Variants in FAM227A observed in about 807,000 individuals in gnomAD.
FAM227A encodes the protein family with sequence similarity 227 member A.
FAM227A carries 80 observed loss-of-function variants against 74.7 expected under a neutral mutation model. The observed-to-expected ratio is 1.07, with a 90% CI of 0.89 to 1.29. The LOEUF is 1.29. Ranked by LOEUF, FAM227A falls within the 50% of genes most tolerant of loss-of-function variation. The pLI is 0.00. For missense variants in FAM227A, 654 were observed against 683.4 expected (o/e 0.96, Z 0.48); for synonymous variants, 237 against 241.8 (o/e 0.98, Z 0.19).
intron 10 of FAM227A, among the ~76,000 whole-genome samples, chr22:38,621,244 G>A (rs1055385761): frequency 3.3e-5 from 5 of 151,844 alleles, no homozygotes; most frequent in African/African-American, 1.2e-4. Flanking sequence ...CAGCTACTTG[G>A]GAGGCTGAGG....
intron 11 of FAM227A, among the ~76,000 whole-genome samples, chr22:38,613,554 T>C (rs2091514506): frequency 6.7e-6 from 1 of 149,426 alleles, no homozygotes. Context: ...CCTAATACTA[T>C]GTGTTTGCAC....
At chr22:38,628,597 C>A (rs1388473358) in intron 7 of FAM227A, among the ~76,000 whole-genome samples, 2 of 152,140 alleles carry the variant, frequency 1.3e-5, no homozygotes, top group Non-Finnish European at 2.9e-5. Flanking sequence ...CTCAACCCTG[C>A]CTGTGACAGC....
intron 1 of FAM227A, among the ~76,000 whole-genome samples, chr22:38,655,538 T>C: frequency 6.6e-6 from 1 of 152,292 alleles, no homozygotes; most frequent in Non-Finnish European, 1.5e-5. Flanking sequence ...AATTAAATTT[T>C]TAAATGGAAG....
intron 3 of FAM227A, among the ~76,000 whole-genome samples, chr22:38,642,423 C>T (rs946602764): frequency 2.6e-5 from 4 of 152,132 alleles, no homozygotes; most frequent in African/African-American, 9.7e-5. Flanking sequence ...TATAAAACCC[C>T]TAGAAGACAA....
At chr22:38,639,482 T>A (rs1256494821) in intron 4 of FAM227A, 173 bp downstream of exon 4, 5 of 698,422 alleles carry the variant, frequency 7.2e-6, no homozygotes, top group Non-Finnish European at 1.0e-5. Flanking sequence ...CTCTAAATGG[T>A]ACTGCCCCTC....
chr22:38,644,772 G>C (rs1330952789), intron 3 of FAM227A, among the ~76,000 whole-genome samples: 1 of 152,196 alleles, frequency 6.6e-6, no homozygotes, highest in Non-Finnish European at 1.5e-5. Context: ...CGATTTCGCT[G>C]TGAACTTATA....
chr22:38,587,123 G>C (rs2090827267), intron 16 of FAM227A, among the ~76,000 whole-genome samples: 1 of 152,116 alleles, frequency 6.6e-6, no homozygotes, highest in Non-Finnish European at 1.5e-5. Flanking sequence ...AGCAAAAGCA[G>C]TGCTAAGAGG....
At position 38,591,306 on chromosome 22, in the gene FAM227A, G is replaced by C. The variant is rs941916175; in HGVS notation, c.1638+129C>G. 4.2e-6 allele frequency: 6 copies of C among 1,414,988 alleles called. No homozygotes were observed. In the African/African-American group the frequency reaches 5.8e-5, roughly 14 times the overall value. The allele number at this position is 1,414,988 out of a possible 1,614,324, so 87.7% of individuals were successfully genotyped here. On this transcript the variant is annotated intron_variant, in intron 16 of 16. Transcript: ENST00000535113. Reference sequence around the variant, plus strand: ...ACCACTGCACTCAGCCTTGAGGAGAGAGTGAGACTCTGTCTCAGTAAAATA... The same window carrying C: ...ACCACTGCACTCAGCCTTGAGGAGACAGTGAGACTCTGTCTCAGTAAAATA...
intron 11 of FAM227A, among the ~76,000 whole-genome samples, 163 bp from the exon 12 acceptor site, chr22:38,607,639 C>G (rs1195172384): frequency 1.3e-5 from 2 of 152,100 alleles, no homozygotes; most frequent in Non-Finnish European, 2.9e-5. Context: ...TCAGGTCCTC[C>G]CAGGAGCATG....
rs1268273188 is a variant in FAM227A at position 38,583,683 on chromosome 22, T to C, written c.*2442A>G. 6.6e-6 allele frequency: 1 copy of C among 152,242 alleles called. No individual in the cohort carries two copies. Among genetic ancestry groups the C allele is most frequent in the Non-Finnish European group, 1.5e-5 (1 of 68,086 alleles). 9.4% of individuals were successfully genotyped at this position (152,242 alleles called of 1,614,324 possible). On this transcript the variant is annotated 3_prime_UTR_variant, in exon 17 of 17. Coordinates refer to ENST00000535113, the MANE Select transcript of FAM227A (RefSeq NM_001013647.2). The stretch of plus-strand genomic sequence containing the variant: ...TACTATGCTGAGTCACACATCCATA[T>C]GGTGAAGCAGGGCAGGGATTCAAAG...
rs1569237178 is a variant in FAM227A at position 38,643,216 on chromosome 22, C to T, written c.225+2347G>A. Among the ~76,000 whole-genome samples, 4 of 149,312 alleles carry T rather than the reference C, an allele frequency of 2.7e-5. No individual in the cohort carries two copies. The South Asian group carries it at 6.4e-4, about 24-fold the overall frequency. ...CTGTAATCCCAGCTACTCAGGAGGC[C>T]GAGGCAGGAGAATCACTTGAACCTG... On this transcript the variant is annotated intron_variant, in intron 3 of 16. Coordinates refer to ENST00000535113, the MANE Select transcript of FAM227A (RefSeq NM_001013647.2).
At chr22:38,652,359 C>A (rs1312235574) in intron 1 of FAM227A, among the ~76,000 whole-genome samples, 1 of 152,060 alleles carries the variant, frequency 6.6e-6, no homozygotes, top group Non-Finnish European at 1.5e-5. Flanking sequence ...GAGGCCGAGG[C>A]AGGCAGATCA....
At chr22:38,613,050 AT>A (rs1301284011) in intron 11 of FAM227A, among the ~76,000 whole-genome samples, 1 of 114,982 alleles carries the variant, frequency 8.7e-6, no homozygotes, top group African/African-American at 3.3e-5. Context: ...TTTTATATAT[AT>A]ATTATATATA....
At chr22:38,606,581 C>T (rs571006448) in intron 12 of FAM227A, among the ~76,000 whole-genome samples, 2 of 152,142 alleles carry the variant, frequency 1.3e-5, no homozygotes, top group Non-Finnish European at 1.5e-5. Flanking sequence ...TGGTGCTTCC[C>T]GCTGTGGCCC....
intron 11 of FAM227A, among the ~76,000 whole-genome samples, chr22:38,616,239 A>C (rs2091572954): frequency 6.6e-6 from 1 of 152,222 alleles, no homozygotes; most frequent in African/African-American, 2.4e-5. Context: ...AACCACACCA[A>C]ACAGGTTAGA....
At chr22:38,601,530 AT>A (rs1473831085) in intron 13 of FAM227A, among the ~76,000 whole-genome samples, 1 of 152,132 alleles carries the variant, frequency 6.6e-6, no homozygotes, top group Non-Finnish European at 1.5e-5. Flanking sequence ...CCACTGGCAG[AT>A]TCTGAGCTGG....
chr22:38,636,662 G>GC, intron 5 of FAM227A, 65 bp from the exon 6 acceptor site: 1 of 1,402,774 alleles, frequency 7.1e-7, no homozygotes, highest in Non-Finnish European at 9.6e-7. Context: ...CAATAGGCTA[G>GC]CTTCCCCTCT....
intron 14 of FAM227A, among the ~76,000 whole-genome samples, chr22:38,598,627 C>A (rs2091102793): frequency 6.6e-6 from 1 of 152,212 alleles, no homozygotes; most frequent in Non-Finnish European, 1.5e-5. Flanking sequence ...TTACGAAACT[C>A]CTCCTGTTGG....
At position 38,654,087 on chromosome 22, in the gene FAM227A, A is replaced by G. The variant is rs1313095281; in HGVS notation, c.-95+2033T>C. On this transcript the variant is annotated intron_variant, in intron 1 of 16. Coordinates refer to ENST00000535113, the MANE Select transcript of FAM227A (RefSeq NM_001013647.2). The stretch of plus-strand genomic sequence containing the variant: ...AGCAGGGCCGGGCGCGGTGGCTCAC[A>G]CCTGTAATCCCACCACTTTAGGAGG... Among the ~76,000 whole-genome samples, 5 of 151,778 alleles carry G rather than the reference A, an allele frequency of 3.3e-5. No homozygotes were observed. In the South Asian group the frequency reaches 8.3e-4, roughly 25 times the overall value.
Sources: gnomAD v4.1 joint callset for allele counts (sites outside exome capture counted in the v4.1 genomes callset) on GRCh38, gnomAD v4.1.1 for gene constraint, MANE v1.5 for transcripts, NCBI Gene and HGNC (gene_info 2026-07-23, HGNC 2026-07-21) for gene names.